ST18: variants seen among roughly 807,000 people sequenced by gnomAD.
The protein encoded by ST18 is ST18 C2H2C-type zinc finger transcription factor, also known as suppression of tumorigenicity 18 protein.
ST18 carries 50 observed loss-of-function variants against 110.0 expected under a neutral mutation model. The ratio of observed to expected loss-of-function variants is 0.45; its 90% CI spans 0.36 to 0.58. The LOEUF (loss-of-function observed/expected upper bound fraction) is 0.58. Among genes scored for constraint, ST18 ranks in the 20% least tolerant of loss-of-function variants. The pLI, the probability that ST18 is intolerant of heterozygous loss-of-function variation, is 0.00. For synonymous variants in ST18, 461 were observed against 452.4 expected, an observed-to-expected ratio of 1.02 and a Z score of -0.24; for missense variants, 1,306 against 1,280.1, an observed-to-expected ratio of 1.02 and a Z score of -0.31.
intron 2 of ST18, among the ~76,000 whole-genome samples, chr8:52,231,455 C>T (rs538166107): frequency 6.6e-6 from 1 of 151,456 alleles, no homozygotes; most frequent in South Asian, 2.1e-4. Flanking sequence ...GGCTCTCAGA[C>T]ATTAATATGC....
chr8:52,135,201 A>G (rs532135891), intron 19 of ST18, among the ~76,000 whole-genome samples: 25 of 152,330 alleles, frequency 1.6e-4, no homozygotes, highest in Non-Finnish European at 3.4e-4. Context: ...ATTTTAGTCT[A>G]GAAAAATGCC....
chr8:52,238,874 G>A (rs1402989771), intron 2 of ST18, among the ~76,000 whole-genome samples: 1 of 150,102 alleles, frequency 6.7e-6, no homozygotes, highest in Non-Finnish European at 1.5e-5. Context: ...GGTGGGAGGA[G>A]GGTGAGGGAT....
chr8:52,264,081 G>A (rs745673607), intron 2 of ST18, among the ~76,000 whole-genome samples: 13 of 152,176 alleles, frequency 8.5e-5, no homozygotes, highest in East Asian at 3.9e-4. Context: ...TTACAGGCGT[G>A]AGCCACCACG....
intron 10 of ST18, chr8:52,171,440 T>A: frequency 2.7e-6 from 1 of 368,406 alleles, no homozygotes; most frequent in Non-Finnish European, 5.2e-6. Context: ...GAAAGAAAAA[T>A]TAAGTTTCTG....
chr8:52,199,545 C>A (rs1211925262), intron 8 of ST18: 2 of 152,162 alleles, frequency 1.3e-5, no homozygotes, highest in Non-Finnish European at 1.5e-5. Context: ...AACAGAACAT[C>A]AAACCTTTAT....
chr8:52,111,384 T>C lies in ST18; in HGVS notation c.*1814A>G, dbSNP rs900296433. ...TGTCCCATTTATAATAGACAGCACA[T>C]ATGGTAGCTCATTTTTTAAAACTGA... On this transcript the variant is annotated 3_prime_UTR_variant, in exon 26 of 26. Transcript: ENST00000689386. The C allele has an allele frequency of 6.0e-6, 1 of 167,764 alleles. No homozygotes were observed. Among genetic ancestry groups the C allele is most frequent in the African/African-American group, 2.4e-5 (1 of 42,278 alleles). The allele number at this position is 167,764 out of a possible 1,614,324, so 10.4% of individuals were successfully genotyped here.
At chr8:52,189,317 A>G (rs1193758213) in intron 8 of ST18, among the ~76,000 whole-genome samples, 8 of 152,202 alleles carry the variant, frequency 5.3e-5, no homozygotes, top group African/African-American at 1.9e-4. Flanking sequence ...GATAAGGGAA[A>G]GTTGATGGCA....
At chr8:52,348,236 C>T (rs1818619874) in intron 2 of ST18, among the ~76,000 whole-genome samples, 1 of 152,204 alleles carries the variant, frequency 6.6e-6, no homozygotes, top group African/African-American at 2.4e-5. Flanking sequence ...AACCCCAGTT[C>T]TCTCAGTTCT....
chr8:52,140,336 C>T (rs954492619), intron 17 of ST18, among the ~76,000 whole-genome samples: 1 of 152,096 alleles, frequency 6.6e-6, no homozygotes, highest in Non-Finnish European at 1.5e-5. Flanking sequence ...TTGAGACCAG[C>T]CTGGCCAACA....
chr8:52,278,373 T>C (rs1475844233), intron 2 of ST18, among the ~76,000 whole-genome samples: 1 of 152,220 alleles, frequency 6.6e-6, no homozygotes, highest in African/African-American at 2.4e-5. Context: ...TTTTTAAGCA[T>C]AGGCAAAATT....
chr8:52,374,925 G>C (rs1430850638), intron 2 of ST18, among the ~76,000 whole-genome samples: 6 of 152,092 alleles, frequency 3.9e-5, no homozygotes, highest in African/African-American at 1.4e-4. Context: ...GTGGTACTTT[G>C]TTATGGCAGC....
At chr8:52,303,906 T>C (rs2095771010) in intron 2 of ST18, among the ~76,000 whole-genome samples, 1 of 152,210 alleles carries the variant, frequency 6.6e-6, no homozygotes, top group Non-Finnish European at 1.5e-5. Flanking sequence ...CTGGATTGCA[T>C]GGTGGAAATC....
chr8:52,284,124 A>G (rs2095430840), intron 2 of ST18, among the ~76,000 whole-genome samples: 1 of 152,186 alleles, frequency 6.6e-6, no homozygotes, highest in South Asian at 2.1e-4. Context: ...CGCAAGTGAG[A>G]GGCAGAGCCA....
chr8:52,393,651 G>A (rs952869092), intron 2 of ST18: 4 of 152,046 alleles, frequency 2.6e-5, no homozygotes, highest in Admixed American at 6.5e-5. Context: ...GAGAGGCTGA[G>A]GCAGGTGAAT....
intron 8 of ST18, among the ~76,000 whole-genome samples, chr8:52,200,479 G>A (rs7005374): frequency 0.23 from 34,878 of 152,034 alleles, 4,853 homozygotes; most frequent in African/African-American, 0.39. Context: ...GACCCAGCGC[G>A]GATTCTAGTT....
intron 5 of ST18, among the ~76,000 whole-genome samples, chr8:52,218,914 G>T (rs1454566115): frequency 6.6e-6 from 1 of 151,642 alleles, no homozygotes; most frequent in Non-Finnish European, 1.5e-5. Flanking sequence ...AGCTGCTGGG[G>T]TCCTCTCCAT....
intron 2 of ST18, among the ~76,000 whole-genome samples, chr8:52,289,686 C>T (rs560981375): frequency 3.3e-5 from 5 of 152,198 alleles, no homozygotes; most frequent in South Asian, 2.1e-4. Context: ...GGGCTGCTCA[C>T]GATGTTGAAG....
At chr8:52,187,288 T>C (rs891152616) in intron 8 of ST18, among the ~76,000 whole-genome samples, 4 of 152,200 alleles carry the variant, frequency 2.6e-5, no homozygotes, top group Admixed American at 2.0e-4. Flanking sequence ...TGTAATAATA[T>C]CCTGAGGTTG....
intron 13 of ST18, among the ~76,000 whole-genome samples, 185 bp downstream of exon 13, chr8:52,163,801 C>A (rs1191270969): frequency 6.6e-6 from 1 of 152,132 alleles, no homozygotes; most frequent in African/African-American, 2.4e-5. Context: ...TTTAGTAGTT[C>A]ATTTCAGCAA....
Sources: gnomAD v4.1 joint callset for allele counts (sites outside exome capture counted in the v4.1 genomes callset) on GRCh38, gnomAD v4.1.1 for gene constraint, MANE v1.5 for transcripts, NCBI Gene and HGNC (gene_info 2026-07-23, HGNC 2026-07-21) for gene names.